SPARC: variants seen among roughly 807,000 people sequenced by gnomAD.
The protein encoded by SPARC is basement-membrane protein 40.
A neutral mutation model predicts 37.7 loss-of-function variants in SPARC; 23 were observed. The ratio of observed to expected loss-of-function variants is 0.61; its 90% CI spans 0.44 to 0.87. The LOEUF (loss-of-function observed/expected upper bound fraction) is 0.87, where lower values mean the gene tolerates loss of function less well. Ranked by LOEUF, SPARC falls within the 40% of genes least tolerant of loss-of-function variation. The probability of loss-of-function intolerance (pLI) is 0.00; values close to 1 mark genes in which losing one functional copy is unlikely to be tolerated. For synonymous variants in SPARC, 155 were observed against 150.8 expected, an observed-to-expected ratio of 1.03 and a Z score of -0.20; for missense variants, 312 against 389.0, an observed-to-expected ratio of 0.80 and a Z score of 1.66.
intron 1 of SPARC, chr5:151,677,019 G>A (rs1214786984): frequency 6.6e-6 from 1 of 152,212 alleles, no homozygotes; most frequent in Admixed American, 6.5e-5. Flanking sequence ...GGGGATGTTA[G>A]CTGAGATCTA....
chr5:151,683,324 G>A (rs1373175242), intron 1 of SPARC, among the ~76,000 whole-genome samples: 1 of 152,256 alleles, frequency 6.6e-6, no homozygotes, highest in African/African-American at 2.4e-5. Context: ...GCCAACGGGA[G>A]AGACAAAGTG....
Position 151,663,472 on chromosome 5 carries a change from C to T in SPARC, c.*99G>A. On this transcript the variant is annotated 3_prime_UTR_variant, in exon 10 of 10. Transcript: ENST00000231061. ...ACTTAAATCTATGTTAGCACCTTGTCTCCAGGCAGAACAACAAACCATCCA... is the reference window on the plus strand; with the variant it reads ...ACTTAAATCTATGTTAGCACCTTGTTTCCAGGCAGAACAACAAACCATCCA... 3 of 1,195,868 alleles carry T rather than the reference C, an allele frequency of 2.5e-6. No homozygotes were observed. Among genetic ancestry groups the T allele is most frequent in the Non-Finnish European group, 3.7e-6 (3 of 807,638 alleles). The allele number at this position is 1,195,868 out of a possible 1,614,324, so 74.1% of individuals were successfully genotyped here.
intron 4 of SPARC, 192 bp from the exon 5 acceptor site, chr5:151,671,886 G>T: frequency 1.6e-6 from 1 of 637,474 alleles, no homozygotes; most frequent in Non-Finnish European, 2.6e-6. Flanking sequence ...GGTTCAGCCT[G>T]GGGATTAGAG....
chr5:151,668,456 G>C (rs1760678852), intron 6 of SPARC, among the ~76,000 whole-genome samples: 1 of 152,030 alleles, frequency 6.6e-6, no homozygotes, highest in African/African-American at 2.4e-5. Context: ...CCTGACCCAG[G>C]TTCACACTTT....
chr5:151,667,880 G>C (rs1222833020), intron 6 of SPARC, among the ~76,000 whole-genome samples: 1 of 152,220 alleles, frequency 6.6e-6, no homozygotes, highest in Non-Finnish European at 1.5e-5. Flanking sequence ...TGGGTGCTGG[G>C]CTTTGGGTGT....
intron 1 of SPARC, among the ~76,000 whole-genome samples, chr5:151,680,822 A>C (rs1420567139): frequency 6.6e-6 from 1 of 152,224 alleles, no homozygotes; most frequent in African/African-American, 2.4e-5. Context: ...CCAAATAAAG[A>C]GGTAAGCAAT....
Position 151,666,481 on chromosome 5 carries a change from C to T in SPARC, c.614G>A (p.Arg205His), listed in dbSNP as rs369034301. The change falls in exon 8 of 10, where the codon CGC becomes CAC. Residue 205 changes from arginine (R) to histidine (H), a missense_variant. Coordinates refer to ENST00000231061, the MANE Select transcript of SPARC (RefSeq NM_003118.4). ...RVKKIHENEK[R>H]LEAGDHPVEL... ...CACGGGGTGGTCTCCTGCCTCCAGG[C>T]GCTTCTCATTCTCATGGATCTTCTT... 6.8e-6 allele frequency: 11 copies of T among 1,614,066 alleles called. No individual in the cohort carries two copies. The highest frequency in any genetic ancestry group is 5.5e-5 in the South Asian group (5 of 91,052).
chr5:151,683,887 G>A (rs998896341), intron 1 of SPARC, among the ~76,000 whole-genome samples: 2 of 152,182 alleles, frequency 1.3e-5, no homozygotes, highest in African/African-American at 4.8e-5. Flanking sequence ...GTGGGTGCCT[G>A]TTGATGAAAT....
intron 1 of SPARC, among the ~76,000 whole-genome samples, chr5:151,680,485 C>T (rs1459845444): frequency 6.6e-6 from 1 of 152,112 alleles, no homozygotes; most frequent in Non-Finnish European, 1.5e-5. Context: ...ATCCGCCCGC[C>T]TCAGCCTCCC....
intron 5 of SPARC, 36 bp downstream of exon 5, chr5:151,671,537 A>C: frequency 6.5e-7 from 1 of 1,534,822 alleles, no homozygotes; most frequent in East Asian, 2.4e-5. Flanking sequence ...CGAAGTGCCC[A>C]ATCCCTTCCC....
rs1321364517 is a variant in SPARC at position 151,664,188 on chromosome 5, G to C, written c.782C>G (p.Pro261Arg). 6 of 1,614,148 alleles carry C rather than the reference G, an allele frequency of 3.7e-6. No homozygotes were observed. The highest frequency in any genetic ancestry group is 5.1e-6 in the Non-Finnish European group (6 of 1,179,984). Residue 261 changes from proline (P) to arginine (R), a missense_variant, in exon 9 of 10, where the codon CCC becomes CGC. Pro to Arg is a moderately radical substitution (Grantham distance 103, BLOSUM62 -2). Transcript: ENST00000231061. ...AAAGCGGGTGGTGCAATGCTCCATG[G>C]GGATGAGGGGAGCACGCAGTGGAGC... ...ELAPLRAPLI[P>R]MEHCTTRFFE...
At chr5:151,684,465 C>G (rs1761082286) in intron 1 of SPARC, among the ~76,000 whole-genome samples, 1 of 149,642 alleles carries the variant, frequency 6.7e-6, no homozygotes, top group Non-Finnish European at 1.5e-5. Flanking sequence ...ACATAGAGGG[C>G]ACAACAGTCT....
intron 1 of SPARC, among the ~76,000 whole-genome samples, chr5:151,681,265 C>T (rs1231599434): frequency 6.6e-6 from 1 of 152,224 alleles, no homozygotes; most frequent in Non-Finnish European, 1.5e-5. Flanking sequence ...GAGGTGGCCA[C>T]ATGCAGCTAC....
At chr5:151,685,418 T>TCACACACACACACA in intron 1 of SPARC, among the ~76,000 whole-genome samples, 1 of 62,102 alleles carries the variant, frequency 1.6e-5, no homozygotes, top group East Asian at 6.4e-4. Flanking sequence ...TCTCCCTCTC[T>TCACACACACACACA]CTCTCACACA....
At position 151,683,370 on chromosome 5, in the gene SPARC, A is replaced by G. The variant is rs577977235; in HGVS notation, c.-14+3495T>C. ...CTTAGTATCCATGGGGCTTGTGTGCATAAGTGTGTTTCCAAACTGAACAAA... is the reference window on the plus strand; with the variant it reads ...CTTAGTATCCATGGGGCTTGTGTGCGTAAGTGTGTTTCCAAACTGAACAAA... On this transcript the variant is annotated intron_variant, in intron 1 of 9. Transcript: ENST00000231061. 2.6e-5 allele frequency among the ~76,000 whole-genome samples: 4 copies of G among 152,370 alleles called. No individual in the cohort carries two copies. The South Asian group carries it at 6.2e-4, about 24-fold the overall frequency.
intron 5 of SPARC, among the ~76,000 whole-genome samples, chr5:151,670,148 T>C (rs978802775): frequency 1.3e-5 from 2 of 152,206 alleles, no homozygotes; most frequent in African/African-American, 2.4e-5. Flanking sequence ...TTGTTATCCT[T>C]AGAAAAGGCC....
chr5:151,667,117 TG>T (rs1247847795), intron 7 of SPARC, among the ~76,000 whole-genome samples: 1 of 152,210 alleles, frequency 6.6e-6, no homozygotes. Context: ...TGGCCTGAGA[TG>T]GGGCCAAGGA....
At chr5:151,673,268 C>G in intron 3 of SPARC, 52 bp from the exon 4 acceptor site, 1 of 1,265,180 alleles carries the variant, frequency 7.9e-7, no homozygotes, top group Non-Finnish European at 1.2e-6. Flanking sequence ...CATCCCAGAC[C>G]CATAAGGGTA....
At chr5:151,680,594 G>C (rs1190509699) in intron 1 of SPARC, among the ~76,000 whole-genome samples, 2 of 152,102 alleles carry the variant, frequency 1.3e-5, no homozygotes, top group Non-Finnish European at 2.9e-5. Flanking sequence ...ATGGTAGACA[G>C]AGTGATAATA....
Sources: allele counts gnomAD v4.1 joint callset (sites outside exome capture counted in the v4.1 genomes callset), GRCh38; gene constraint gnomAD v4.1.1; transcripts MANE v1.5; gene names NCBI Gene and HGNC (gene_info 2026-07-23, HGNC 2026-07-21).